The following ASCC1 variants were observed in gnomAD, a reference collection of about 807,000 sequenced individuals.
ASCC1 encodes the protein ASC-1 complex subunit P50.
Under a neutral mutation model 46.6 loss-of-function variants are expected in ASCC1, and 35 were observed. The observed-to-expected ratio is 0.75, with a 90% CI of 0.57 to 0.99. The LOEUF is 0.99. Ranked by LOEUF, ASCC1 falls within the 50% of genes least tolerant of loss-of-function variation. The pLI is 0.00. For synonymous variants in ASCC1, 143 were observed against 146.6 expected, an observed-to-expected ratio of 0.98 and a Z score of 0.18; for missense variants, 376 against 428.7, an observed-to-expected ratio of 0.88 and a Z score of 1.09.
chr10:72,120,753 C>T (rs1330191869), intron 9 of ASCC1, among the ~76,000 whole-genome samples: 1 of 151,974 alleles, frequency 6.6e-6, no homozygotes, highest in Non-Finnish European at 1.5e-5. Flanking sequence ...AGAAACCATG[C>T]AATCAAAAAG....
chr10:72,171,692 C>T (rs1342749870), intron 5 of ASCC1, among the ~76,000 whole-genome samples: 2 of 152,192 alleles, frequency 1.3e-5, no homozygotes, highest in Non-Finnish European at 2.9e-5. Context: ...GCTGGGATTA[C>T]ATGCGTGAGC....
chr10:72,113,118 T>C (rs1236062988), intron 9 of ASCC1, among the ~76,000 whole-genome samples: 1 of 152,234 alleles, frequency 6.6e-6, no homozygotes, highest in Non-Finnish European at 1.5e-5. Context: ...CAAGCAAGCA[T>C]GTAGCTTAGT....
At chr10:72,214,927 G>A (rs1163970146) in intron 1 of ASCC1, among the ~76,000 whole-genome samples, 1 of 152,224 alleles carries the variant, frequency 6.6e-6, no homozygotes, top group African/African-American at 2.4e-5. Context: ...ATCGCTCACT[G>A]CGAAGCCAAG....
chr10:72,114,623 C>CAAAAAAAA (rs34531262), intron 9 of ASCC1, among the ~76,000 whole-genome samples: 3 of 94,512 alleles, frequency 3.2e-5, no homozygotes, highest in South Asian at 3.4e-4. Flanking sequence ...GACTCCGTCT[C>CAAAAAAAA]AAAAAAAAAA....
chr10:72,102,336 A>G (rs1338164470), intron 9 of ASCC1: 2 of 1,548,848 alleles, frequency 1.3e-6, no homozygotes, highest in Non-Finnish European at 1.7e-6. Flanking sequence ...TATCTTACCC[A>G]CTAGCTCTCT....
chr10:72,215,920 G>C (rs1408985942), intron 1 of ASCC1: 1 of 152,338 alleles, frequency 6.6e-6, no homozygotes, highest in African/African-American at 2.4e-5. Flanking sequence ...AGGGCGAGGA[G>C]GAGGACCCGG....
chr10:72,124,748 A>G (rs1413671377), intron 9 of ASCC1, among the ~76,000 whole-genome samples: 2 of 76,436 alleles, frequency 2.6e-5, no homozygotes, highest in Non-Finnish European at 5.0e-5. Flanking sequence ...TTTTTTTGCT[A>G]TCTCTTAGAT....
At chr10:72,151,702 T>C (rs866891464) in intron 7 of ASCC1, among the ~76,000 whole-genome samples, 6 of 152,148 alleles carry the variant, frequency 3.9e-5, no homozygotes, top group Non-Finnish European at 8.8e-5. Context: ...TAAATTTTTT[T>C]TTTTTTAGAC....
chr10:72,161,933 G>C (rs1849744539), intron 5 of ASCC1, among the ~76,000 whole-genome samples: 1 of 152,078 alleles, frequency 6.6e-6, no homozygotes, highest in Non-Finnish European at 1.5e-5. Context: ...CTGGAATTCA[G>C]CAATGGATTC....
At chr10:72,191,248 G>T (rs113787059) in intron 5 of ASCC1, among the ~76,000 whole-genome samples, 19,341 of 145,978 alleles carry the variant, frequency 0.13, 3,735 homozygotes, top group African/African-American at 0.42. Context: ...TGTATTTTTA[G>T]TAGAGACGAG....
intron 9 of ASCC1, 113 bp from the exon 10 acceptor site, chr10:72,097,563 A>T (rs1182871276): frequency 4.4e-6 from 3 of 682,568 alleles, no homozygotes; most frequent in Non-Finnish European, 7.8e-6. Flanking sequence ...CAAATCTCTC[A>T]TGCTTTTTCT....
At chr10:72,133,354 A>C (rs1255881904) in intron 7 of ASCC1, 173 bp from the exon 8 acceptor site, 2 of 665,942 alleles carry the variant, frequency 3.0e-6, no homozygotes, top group Admixed American at 4.7e-5. Context: ...GCTAAAGATC[A>C]GTCTTGTTTG....
chr10:72,210,619 T>C lies in ASCC1; in HGVS notation c.212+113A>G. The C allele has an allele frequency of 6.2e-6, 5 of 804,680 alleles. 1 individual carries two copies. In the South Asian group the frequency reaches 7.3e-5, roughly 12 times the overall value. 49.8% of individuals were successfully genotyped at this position (804,680 alleles called of 1,614,324 possible). ...GACATTTCAGGACATAACACTACAC[T>C]ATTTTATCATTAGTAATCAAGCACT... On this transcript the variant is annotated intron_variant, in intron 3 of 9. Coordinates refer to ENST00000672957, the MANE Select transcript of ASCC1 (RefSeq NM_001198800.3).
intron 3 of ASCC1, among the ~76,000 whole-genome samples, chr10:72,210,129 T>C (rs961885773): frequency 6.6e-6 from 1 of 151,630 alleles, no homozygotes; most frequent in Admixed American, 6.6e-5. Context: ...GTACTGTCTG[T>C]AGAGTCATGA....
intron 9 of ASCC1, among the ~76,000 whole-genome samples, chr10:72,113,704 T>G (rs1432372335): frequency 6.6e-6 from 1 of 152,246 alleles, no homozygotes; most frequent in Non-Finnish European, 1.5e-5. Flanking sequence ...TCCTTATATA[T>G]CTGATGCTCT....
In ASCC1 at chr10:72,137,921, T is replaced by C. The variant is rs1005802815; in HGVS notation, c.747-4740A>G. ...CTCTCTCATCCAGGCTAGAGTGCAG[T>C]GGCACGATCTCAGCTCACCGCAACC... On this transcript the variant is annotated intron_variant, in intron 7 of 9. Coordinates refer to ENST00000672957, the MANE Select transcript of ASCC1 (RefSeq NM_001198800.3). 2.6e-5 allele frequency among the ~76,000 whole-genome samples: 4 copies of C among 152,102 alleles called. No individual in the cohort carries two copies. The East Asian group carries it at 5.8e-4, about 22-fold the overall frequency.
chr10:72,209,226 C>G (rs1857681934), intron 3 of ASCC1, among the ~76,000 whole-genome samples: 1 of 151,580 alleles, frequency 6.6e-6, no homozygotes, highest in South Asian at 2.1e-4. Flanking sequence ...GGCACAGTGG[C>G]TCATCCCAAC....
chr10:72,181,450 C>T (rs1490636611), intron 5 of ASCC1, among the ~76,000 whole-genome samples: 5 of 152,096 alleles, frequency 3.3e-5, no homozygotes, highest in African/African-American at 1.2e-4. Context: ...TATTTTCATA[C>T]ATGGTTGCTT....
chr10:72,106,886 C>T (rs77069243), intron 9 of ASCC1, among the ~76,000 whole-genome samples: 2,291 of 152,234 alleles, frequency 0.015, 64 homozygotes, highest in African/African-American at 0.052. Context: ...AAGGCCACGT[C>T]CACAAGGCAG....
Sources: allele counts gnomAD v4.1 joint callset (sites outside exome capture counted in the v4.1 genomes callset), GRCh38; gene constraint gnomAD v4.1.1; transcripts MANE v1.5; gene names NCBI Gene and HGNC (gene_info 2026-07-23, HGNC 2026-07-21).